The following CCDC7 variants were observed in gnomAD, a reference collection of about 807,000 sequenced individuals.
CCDC7 encodes coiled-coil domain-containing protein 7.
In CCDC7, 183 loss-of-function variants were observed where a neutral mutation model predicts 196.9. That is an observed-to-expected ratio of 0.93 (90% CI 0.82 to 1.05). The LOEUF is 1.05. Ranked by LOEUF, CCDC7 falls within the 50% of genes least tolerant of loss-of-function variation. The probability of loss-of-function intolerance (pLI) is 0.00; values close to 1 mark genes in which losing one functional copy is unlikely to be tolerated. For missense variants in CCDC7, 1,540 were observed against 1,482.2 expected, an observed-to-expected ratio of 1.04 and a Z score of -0.64; for synonymous variants, 525 against 484.6, an observed-to-expected ratio of 1.08 and a Z score of -1.10.
chr10:32,795,710 TG>T (rs2083444573), intron 29 of CCDC7, among the ~76,000 whole-genome samples: 1 of 152,240 alleles, frequency 6.6e-6, no homozygotes, highest in African/African-American at 2.4e-5. Context: ...TAGATACATT[TG>T]CTTAGAGATT....
chr10:32,827,853 G>C (rs1337438746), intron 32 of CCDC7, among the ~76,000 whole-genome samples: 8 of 152,074 alleles, frequency 5.3e-5, no homozygotes, highest in Non-Finnish European at 1.5e-5. Flanking sequence ...ATTTTTTGTG[G>C]GAGAAATTTC....
chr10:32,512,052 C>T (rs1471086789), intron 9 of CCDC7: 1 of 288,068 alleles, frequency 3.5e-6, no homozygotes, highest in Non-Finnish European at 6.5e-6. Context: ...TCTAGCTGTT[C>T]ACCTGTGCAT....
chr10:32,844,813 G>C (rs1398555802), intron 33 of CCDC7, among the ~76,000 whole-genome samples: 1 of 151,674 alleles, frequency 6.6e-6, no homozygotes, highest in Non-Finnish European at 1.5e-5. Flanking sequence ...GTTTTGTGAT[G>C]CTTACTGCAA....
chr10:32,497,589 G>A (rs1288519193), intron 9 of CCDC7, among the ~76,000 whole-genome samples: 1 of 152,080 alleles, frequency 6.6e-6, no homozygotes, highest in Non-Finnish European at 1.5e-5. Context: ...CTGGTACATT[G>A]TGTCTTTATT....
chr10:32,758,950 A>G (rs1396116775), intron 28 of CCDC7, among the ~76,000 whole-genome samples: 2 of 152,050 alleles, frequency 1.3e-5, no homozygotes, highest in African/African-American at 2.4e-5. Flanking sequence ...CTATACACCA[A>G]TAGCAGACAG....
At chr10:32,707,742 C>T (rs955299222) in intron 24 of CCDC7, among the ~76,000 whole-genome samples, 1 of 151,914 alleles carries the variant, frequency 6.6e-6, no homozygotes, top group Admixed American at 6.6e-5. Flanking sequence ...GAGAATAAAA[C>T]ACCTGGGAAT....
chr10:32,633,702 G>A (rs200869903), intron 18 of CCDC7, among the ~76,000 whole-genome samples: 13,843 of 63,824 alleles, frequency 0.22, 1,372 homozygotes, highest in African/African-American at 0.37. Context: ...ATATATGTGT[G>A]TGTGTGTGTG....
chr10:32,464,612 T>C (rs1321637492), intron 5 of CCDC7, among the ~76,000 whole-genome samples: 1 of 152,080 alleles, frequency 6.6e-6, no homozygotes, highest in Non-Finnish European at 1.5e-5. Context: ...CGGGCTCAGG[T>C]GATTCTCCAA....
chr10:32,549,907 G>A (rs2053181928), intron 13 of CCDC7, among the ~76,000 whole-genome samples: 2 of 152,044 alleles, frequency 1.3e-5, no homozygotes, highest in African/African-American at 4.8e-5. Context: ...CTCTGTTTTG[G>A]TTCCATATGA....
intron 9 of CCDC7, chr10:32,514,036 T>G (rs2046647749): frequency 6.6e-6 from 1 of 152,190 alleles, no homozygotes; most frequent in South Asian, 2.1e-4. Flanking sequence ...GAGGAAGAAG[T>G]AAAACTACCT....
chr10:32,730,695 T>C (rs1249086824), intron 28 of CCDC7, among the ~76,000 whole-genome samples: 1 of 151,868 alleles, frequency 6.6e-6, no homozygotes, highest in African/African-American at 2.4e-5. Flanking sequence ...TAACATATAG[T>C]AATTAACATA....
At chr10:32,694,302 G>A (rs555553526) in intron 23 of CCDC7, among the ~76,000 whole-genome samples, 1 of 152,234 alleles carries the variant, frequency 6.6e-6, no homozygotes, top group Non-Finnish European at 1.5e-5. Context: ...ACTATTAGAA[G>A]TGTTTTGGGT....
At chr10:32,662,202 C>G (rs1218505788) in intron 20 of CCDC7, among the ~76,000 whole-genome samples, 1 of 152,176 alleles carries the variant, frequency 6.6e-6, no homozygotes, top group East Asian at 1.9e-4. Context: ...TAATTTCTCT[C>G]TGCACCAGGC....
chr10:32,579,323 G>T, intron 16 of CCDC7, among the ~76,000 whole-genome samples: 1 of 151,616 alleles, frequency 6.6e-6, no homozygotes, highest in South Asian at 2.1e-4. Flanking sequence ...TATGTTTCTT[G>T]TATGAAATAT....
intron 28 of CCDC7, among the ~76,000 whole-genome samples, chr10:32,762,020 G>GA (rs1179292550): frequency 2.0e-5 from 3 of 152,010 alleles, no homozygotes; most frequent in East Asian, 3.9e-4. Context: ...TTGGGAAACT[G>GA]AAAAAATATC....
chr10:32,606,936 A>T (rs1344551375), intron 18 of CCDC7, among the ~76,000 whole-genome samples: 1 of 152,194 alleles, frequency 6.6e-6, no homozygotes, highest in East Asian at 1.9e-4. Context: ...TGGGAGCCAG[A>T]TGCAGAATGA....
chr10:32,559,234 CT>C (rs1187875220), intron 13 of CCDC7, among the ~76,000 whole-genome samples: 2 of 152,236 alleles, frequency 1.3e-5, no homozygotes, highest in Non-Finnish European at 2.9e-5. Context: ...GGCTCCACCT[CT>C]GGGGGCAGGG....
At chr10:32,741,779 C>T (rs895912038) in intron 28 of CCDC7, among the ~76,000 whole-genome samples, 4 of 152,086 alleles carry the variant, frequency 2.6e-5, no homozygotes, top group Non-Finnish European at 5.9e-5. Flanking sequence ...GTTCAATTCT[C>T]CCATTGTGAG....
intron 32 of CCDC7, among the ~76,000 whole-genome samples, chr10:32,829,128 A>G (rs1213656799): frequency 6.6e-6 from 1 of 152,220 alleles, no homozygotes; most frequent in Non-Finnish European, 1.5e-5. Flanking sequence ...CATGGAATAC[A>G]GGAGATTCAT....
Sources: allele counts gnomAD v4.1 joint callset (sites outside exome capture counted in the v4.1 genomes callset), GRCh38; gene constraint gnomAD v4.1.1; transcripts MANE v1.5; gene names NCBI Gene and HGNC (gene_info 2026-07-23, HGNC 2026-07-21).